Variants in CRADD observed in about 807,000 individuals in gnomAD.
CRADD encodes CARD and death domain containing adaptor protein.
A neutral mutation model predicts 15.5 loss-of-function variants in CRADD; 9 were observed. That is an observed-to-expected ratio of 0.58 (90% CI 0.35 to 1.01). The LOEUF (loss-of-function observed/expected upper bound fraction) is 1.01, where lower values mean the gene tolerates loss of function less well. Among genes scored for constraint, CRADD ranks in the 50% least tolerant of loss-of-function variants. The probability of loss-of-function intolerance (pLI) is 0.02; values close to 1 mark genes in which losing one functional copy is unlikely to be tolerated. For synonymous variants in CRADD, 118 were observed against 107.6 expected (o/e 1.10, Z -0.60); for missense variants, 227 against 250.3 (o/e 0.91, Z 0.63).
At chr12:93,737,277 A>G (rs1229388194) in intron 2 of CRADD, among the ~76,000 whole-genome samples, 1 of 152,246 alleles carries the variant, frequency 6.6e-6, no homozygotes, top group Admixed American at 6.5e-5. Context: ...GACAATGCCA[A>G]GGTAGGTTAT....
chr12:93,888,153 C>T (rs1053077756), intron 2 of CRADD, among the ~76,000 whole-genome samples: 3 of 151,972 alleles, frequency 2.0e-5, no homozygotes, highest in African/African-American at 4.8e-5. Flanking sequence ...AGGCCGGGCG[C>T]GGTGGCTTAT....
At chr12:93,838,983 G>A (rs917348049) in intron 2 of CRADD, among the ~76,000 whole-genome samples, 2 of 151,560 alleles carry the variant, frequency 1.3e-5, no homozygotes, top group African/African-American at 4.9e-5. Context: ...ACATTTCCCA[G>A]GCTAGCCTTG....
At chr12:93,732,612 G>A (rs1156990520) in intron 2 of CRADD, among the ~76,000 whole-genome samples, 1 of 152,178 alleles carries the variant, frequency 6.6e-6, no homozygotes, top group African/African-American at 2.4e-5. Flanking sequence ...TATTTGAATA[G>A]TGGAACTCTT....
intron 2 of CRADD, among the ~76,000 whole-genome samples, chr12:93,781,598 C>T (rs1297265473): frequency 6.6e-6 from 1 of 152,212 alleles, no homozygotes; most frequent in Non-Finnish European, 1.5e-5. Context: ...AACAGCCGAA[C>T]GTTAGTTATG....
chr12:93,819,249 A>C (rs1336603773), intron 2 of CRADD, among the ~76,000 whole-genome samples: 2 of 152,226 alleles, frequency 1.3e-5, no homozygotes, highest in East Asian at 3.9e-4. Flanking sequence ...TCCAGAAGAG[A>C]AGACTCATTC....
intron 2 of CRADD, among the ~76,000 whole-genome samples, chr12:93,686,283 A>G (rs1335282063): frequency 2.2e-5 from 3 of 136,082 alleles, no homozygotes; most frequent in Non-Finnish European, 4.6e-5. Flanking sequence ...CCTGGGCAAC[A>G]GAGTGAGACT....
At chr12:93,846,269 G>A (rs2137046007) in intron 2 of CRADD, among the ~76,000 whole-genome samples, 1 of 152,274 alleles carries the variant, frequency 6.6e-6, no homozygotes, top group South Asian at 2.1e-4. Flanking sequence ...TTGAGTCCCT[G>A]CATTCAATTC....
At chr12:93,679,303 T>G (rs1955233050) in intron 2 of CRADD, among the ~76,000 whole-genome samples, 1 of 152,050 alleles carries the variant, frequency 6.6e-6, no homozygotes, top group Non-Finnish European at 1.5e-5. Context: ...CACCATGCCC[T>G]GCTAAGTTTT....
intron 2 of CRADD, among the ~76,000 whole-genome samples, chr12:93,688,108 G>A (rs1955480878): frequency 6.6e-6 from 1 of 152,208 alleles, no homozygotes; most frequent in African/African-American, 2.4e-5. Flanking sequence ...CTCGAGGATG[G>A]AAGAGAGAAG....
intron 2 of CRADD, among the ~76,000 whole-genome samples, chr12:93,805,543 C>T (rs183462353): frequency 6.6e-6 from 1 of 151,506 alleles, no homozygotes; most frequent in Admixed American, 6.6e-5. Context: ...GTACATCGAG[C>T]TGTTCAGTGA....
chr12:93,709,276 T>G (rs997453721), intron 2 of CRADD, among the ~76,000 whole-genome samples: 1 of 152,214 alleles, frequency 6.6e-6, no homozygotes, highest in African/African-American at 2.4e-5. Flanking sequence ...ACTTTTATTA[T>G]AGGTTTGGCA....
chr12:93,858,633 C>G (rs114155649), intron 2 of CRADD, among the ~76,000 whole-genome samples: 307 of 152,320 alleles, frequency 2.0e-3, no homozygotes, highest in African/African-American at 6.4e-3. Context: ...TCTCACCCCT[C>G]ATTCTCCCCG....
intron 2 of CRADD, among the ~76,000 whole-genome samples, chr12:93,877,499 T>C (rs1493853): frequency 0.49 from 74,062 of 152,002 alleles, 18,275 homozygotes; most frequent in Middle Eastern, 0.57. Flanking sequence ...TAGAAGTCTA[T>C]CTGGTATTCT....
Position 93,850,720 on chromosome 12 carries a change from C to T in CRADD, c.*449C>T, listed in dbSNP as rs374161520. 1.1e-5 allele frequency: 11 copies of T among 983,546 alleles called. No individual in the cohort carries two copies. The highest frequency in any genetic ancestry group is 1.1e-4 in the East Asian group (1 of 8,806). 60.9% of individuals were successfully genotyped at this position (983,546 alleles called of 1,614,324 possible). A position where few individuals can be genotyped will look rare whatever the true frequency, so the allele number is the denominator to read the frequency against. On this transcript the variant is annotated 3_prime_UTR_variant, in exon 3 of 3. Transcript: ENST00000332896. This position sits in a 1 kb window ranked among gnomAD's most constrained non-coding sequence, Gnocchi z 4.0. ...TTCATAATGATAAAATAATAAAATG[C>T]GAATTACTATATATAATGTGCCTCA...
At chr12:93,807,242 A>G (rs1781066537) in intron 2 of CRADD, among the ~76,000 whole-genome samples, 1 of 152,174 alleles carries the variant, frequency 6.6e-6, no homozygotes. Flanking sequence ...TGGGAAGTCC[A>G]TTTGAAGACT....
At chr12:93,855,309 G>A (rs958657453), downstream of CRADD, among the ~76,000 whole-genome samples, 4 of 152,158 alleles carry the variant, frequency 2.6e-5, no homozygotes, top group Non-Finnish European at 4.4e-5. Context: ...TCTCTGGGGA[G>A]TTCTCCAGGT....
chr12:93,720,334 T>A (rs1358426825), intron 2 of CRADD, among the ~76,000 whole-genome samples: 1 of 152,192 alleles, frequency 6.6e-6, no homozygotes, highest in Non-Finnish European at 1.5e-5. Context: ...AGAGTGTGTT[T>A]TATGGCCTAA....
At chr12:93,873,356 A>G (rs1958435987) in intron 2 of CRADD, among the ~76,000 whole-genome samples, 1 of 152,136 alleles carries the variant, frequency 6.6e-6, no homozygotes, top group Non-Finnish European at 1.5e-5. Context: ...TCTGCAAACA[A>G]GGATAATCTG....
At chr12:93,863,734 T>A (rs1012458251) in intron 2 of CRADD, among the ~76,000 whole-genome samples, 1 of 150,756 alleles carries the variant, frequency 6.6e-6, no homozygotes, top group African/African-American at 2.4e-5. Flanking sequence ...GAATGAAGAG[T>A]TGCCCCACCC....
Sources: gnomAD v4.1 joint callset for allele counts (sites outside exome capture counted in the v4.1 genomes callset) on GRCh38, gnomAD v4.1.1 for gene constraint, Gnocchi (gnomAD v3.1) non-coding constraint, MANE v1.5 for transcripts, NCBI Gene and HGNC (gene_info 2026-07-23, HGNC 2026-07-21) for gene names.